Variants in RIMS2 observed in about 807,000 individuals in gnomAD.
RIMS2 encodes the protein regulating synaptic membrane exocytosis 2, also known as regulating synaptic membrane exocytosis protein 2.
In RIMS2, 59 loss-of-function variants were observed where a neutral mutation model predicts 174.4. That is an observed-to-expected ratio of 0.34 (90% confidence interval 0.27 to 0.42). The LOEUF is 0.42. Ranked by LOEUF, RIMS2 falls within the 10% of genes least tolerant of loss-of-function variation. The pLI is 1.00. For missense variants in RIMS2, 1,620 were observed against 1,666.3 expected, an observed-to-expected ratio of 0.97 and a Z score of 0.48; for synonymous variants, 606 against 572.5, an observed-to-expected ratio of 1.06 and a Z score of -0.84.
chr8:103,512,927 T>C (rs183363531), intron 1 of RIMS2, among the ~76,000 whole-genome samples: 2 of 152,332 alleles, frequency 1.3e-5, no homozygotes, highest in African/African-American at 4.8e-5. Flanking sequence ...GTGAAGCTGA[T>C]AAACTAAATC....
intron 3 of RIMS2, among the ~76,000 whole-genome samples, chr8:103,836,266 T>C (rs1247668823): frequency 6.6e-6 from 1 of 152,194 alleles, no homozygotes; most frequent in African/African-American, 2.4e-5. Flanking sequence ...TTTAAATTAA[T>C]AAGTTTTCAA....
intron 2 of RIMS2, among the ~76,000 whole-genome samples, chr8:103,735,603 A>C (rs1350176466): frequency 1.3e-5 from 2 of 152,154 alleles, no homozygotes; most frequent in South Asian, 2.1e-4. Flanking sequence ...ACCTCAAATC[A>C]TGGGAATCTT....
Position 103,978,116 on chromosome 8 carries a change from T to C in RIMS2, c.2927+2610T>C, listed in dbSNP as rs2154548838. Among the ~76,000 whole-genome samples the C allele has an allele frequency of 3.3e-5, 5 of 152,306 alleles. No individual in the cohort carries two copies. The South Asian group carries it at 1.0e-3, about 32-fold the overall frequency. ...AGAGGTGATCAGTAACAAAAGACATTCTATCACTTAAGAAATTCCGATGGT... is the reference window on the plus strand; with the variant it reads ...AGAGGTGATCAGTAACAAAAGACATCCTATCACTTAAGAAATTCCGATGGT... On this transcript the variant is annotated intron_variant, in intron 16 of 23. Transcript: ENST00000504942.
chr8:103,542,264 C>T (rs995166530), intron 1 of RIMS2, among the ~76,000 whole-genome samples: 4 of 152,106 alleles, frequency 2.6e-5, no homozygotes, highest in East Asian at 1.9e-4. Context: ...TTCTTTAACA[C>T]ATGTAATCTA....
At chr8:103,603,657 CTGT>C (rs1447267552) in intron 1 of RIMS2, among the ~76,000 whole-genome samples, 2 of 147,044 alleles carry the variant, frequency 1.4e-5, no homozygotes, top group Non-Finnish European at 3.0e-5. Context: ...TCTCCAGCAC[CTGT>C]TGTTTCCTGA....
intron 2 of RIMS2, among the ~76,000 whole-genome samples, chr8:103,754,079 T>G (rs1402926259): frequency 6.6e-6 from 1 of 152,202 alleles, no homozygotes; most frequent in Non-Finnish European, 1.5e-5. Context: ...GCTATAAATT[T>G]CCCTCTACAC....
intron 19 of RIMS2, among the ~76,000 whole-genome samples, chr8:104,035,782 G>T (rs1272129069): frequency 6.6e-6 from 1 of 151,752 alleles, no homozygotes; most frequent in Non-Finnish European, 1.5e-5. Context: ...AAGGAATTAG[G>T]GTTCTGTTCT....
At chr8:104,076,902 T>A (rs1022474639) in intron 19 of RIMS2, among the ~76,000 whole-genome samples, 2 of 151,914 alleles carry the variant, frequency 1.3e-5, no homozygotes, top group African/African-American at 4.8e-5. Context: ...CTGCAACCTC[T>A]GCCTCCCGGG....
intron 3 of RIMS2, among the ~76,000 whole-genome samples, chr8:103,797,984 A>G (rs1163521967): frequency 6.6e-6 from 1 of 152,108 alleles, no homozygotes; most frequent in African/African-American, 2.4e-5. Flanking sequence ...GAGGCTTTCT[A>G]TGTGATAGCT....
chr8:104,096,608 G>A (rs1165101224), intron 19 of RIMS2, among the ~76,000 whole-genome samples: 3 of 152,054 alleles, frequency 2.0e-5, no homozygotes, highest in Non-Finnish European at 4.4e-5. Context: ...GATGGCTCAC[G>A]CCTGTAATCC....
At chr8:103,736,225 G>C (rs2097683691) in intron 2 of RIMS2, among the ~76,000 whole-genome samples, 1 of 152,130 alleles carries the variant, frequency 6.6e-6, no homozygotes, top group Non-Finnish European at 1.5e-5. Context: ...ATTCCTTGAA[G>C]TAACCCATGG....
intron 1 of RIMS2, among the ~76,000 whole-genome samples, chr8:103,553,241 A>G (rs1389260357): frequency 6.6e-6 from 1 of 152,214 alleles, no homozygotes; most frequent in Non-Finnish European, 1.5e-5. Context: ...TGTGGCTCAT[A>G]TACATCATGG....
intron 19 of RIMS2, among the ~76,000 whole-genome samples, chr8:104,193,378 A>G (rs1024871154): frequency 6.6e-6 from 1 of 152,172 alleles, no homozygotes; most frequent in Non-Finnish European, 1.5e-5. Context: ...CTGGATGTCC[A>G]GATATGCTCC....
chr8:103,837,242 T>C (rs575284950), intron 3 of RIMS2, among the ~76,000 whole-genome samples: 4 of 152,304 alleles, frequency 2.6e-5, no homozygotes, highest in East Asian at 1.9e-4. Flanking sequence ...TTGGCACTTA[T>C]CTGAAAGCTC....
intron 1 of RIMS2, among the ~76,000 whole-genome samples, chr8:103,602,510 A>T (rs2094808371): frequency 6.6e-6 from 1 of 151,798 alleles, no homozygotes; most frequent in South Asian, 2.1e-4. Context: ...CCTAGTATCC[A>T]TGTATTCTCA....
intron 1 of RIMS2, among the ~76,000 whole-genome samples, chr8:103,598,853 C>T (rs149931987): frequency 6.6e-6 from 1 of 151,904 alleles, no homozygotes; most frequent in Non-Finnish European, 1.5e-5. Flanking sequence ...ACAGGTAGTT[C>T]TATGATCTGC....
chr8:104,152,757 TTG>T (rs1310857873), intron 19 of RIMS2, among the ~76,000 whole-genome samples: 3 of 152,204 alleles, frequency 2.0e-5, no homozygotes, highest in Admixed American at 6.5e-5. Flanking sequence ...AAGAAATTCT[TTG>T]TGTGTTTTCA....
At chr8:103,515,510 CTT>C (rs1828576123) in intron 1 of RIMS2, among the ~76,000 whole-genome samples, 1 of 152,072 alleles carries the variant, frequency 6.6e-6, no homozygotes, top group Non-Finnish European at 1.5e-5. Flanking sequence ...AGACAACAAA[CTT>C]AGGTATGGAA....
chr8:103,615,557 G>A (rs1160156956), intron 1 of RIMS2, among the ~76,000 whole-genome samples: 1 of 148,346 alleles, frequency 6.7e-6, no homozygotes, highest in Non-Finnish European at 1.5e-5. Context: ...AAAAGCAAGA[G>A]ACAAAAAATC....
Sources: allele counts gnomAD v4.1 joint callset (sites outside exome capture counted in the v4.1 genomes callset), GRCh38; gene constraint gnomAD v4.1.1; transcripts MANE v1.5; gene names NCBI Gene and HGNC (gene_info 2026-07-23, HGNC 2026-07-21).